The following B4GALNT3 variants were observed in gnomAD, a reference collection of about 807,000 sequenced individuals.
The protein encoded by B4GALNT3 is beta-1,4-N-acetylgalactosaminyltransferase 3.
In B4GALNT3, 86 loss-of-function variants were observed where a neutral mutation model predicts 120.2. The ratio of observed to expected loss-of-function variants is 0.72; its 90% confidence interval spans 0.60 to 0.86. The LOEUF (loss-of-function observed/expected upper bound fraction) is 0.86. Ranked by LOEUF, B4GALNT3 falls within the 40% of genes least tolerant of loss-of-function variation. The pLI is 0.00. For missense variants in B4GALNT3, 1,167 were observed against 1,298.9 expected, an observed-to-expected ratio of 0.90 and a Z score of 1.56; for synonymous variants, 518 against 510.4, an observed-to-expected ratio of 1.01 and a Z score of -0.20.
At chr12:467,571 A>G (rs550859842) in intron 1 of B4GALNT3, among the ~76,000 whole-genome samples, 75 of 152,288 alleles carry the variant, frequency 4.9e-4, no homozygotes, top group African/African-American at 1.7e-3. Context: ...AAATAAATAA[A>G]CAAAATAAAA....
intron 1 of B4GALNT3, among the ~76,000 whole-genome samples, chr12:462,185 G>A (rs2120400233): frequency 1.3e-5 from 2 of 152,236 alleles, no homozygotes; most frequent in East Asian, 3.9e-4. Context: ...AAATGGATGA[G>A]CTCCTTTGGA....
chr12:531,511 A>G (rs932973642), intron 1 of B4GALNT3, among the ~76,000 whole-genome samples: 42 of 152,000 alleles, frequency 2.8e-4, no homozygotes, highest in African/African-American at 9.7e-4. Flanking sequence ...TTAACCAACT[A>G]TGGTGGCATG....
chr12:474,269 C>A (rs1208803553), intron 1 of B4GALNT3, among the ~76,000 whole-genome samples: 1 of 152,160 alleles, frequency 6.6e-6, no homozygotes, highest in Non-Finnish European at 1.5e-5. Context: ...CATCACAAAC[C>A]CAGATCCCAA....
intron 1 of B4GALNT3, among the ~76,000 whole-genome samples, chr12:521,211 T>C (rs1049224320): frequency 6.6e-6 from 1 of 152,170 alleles, no homozygotes; most frequent in Non-Finnish European, 1.5e-5. Flanking sequence ...AGGACTCTCG[T>C]CATCACCCTC....
At chr12:536,792 A>T (rs1306742831) in intron 3 of B4GALNT3, among the ~76,000 whole-genome samples, 1 of 152,210 alleles carries the variant, frequency 6.6e-6, no homozygotes, top group Non-Finnish European at 1.5e-5. Context: ...GACCCTGTGG[A>T]ATAGTATCAT....
In B4GALNT3 at chr12:525,112, T is replaced by G. The variant is rs533865055; in HGVS notation, c.170-10054T>G. ...TTTATTTATTTATTTATTTATTTATTTATTTATTGTTGTTGAGACGGAGTC... is the reference window on the plus strand; with the variant it reads ...TTTATTTATTTATTTATTTATTTATGTATTTATTGTTGTTGAGACGGAGTC... On this transcript the variant is annotated intron_variant, in intron 1 of 19. Transcript: ENST00000266383. 3.3e-5 allele frequency among the ~76,000 whole-genome samples: 5 copies of G among 152,030 alleles called. No homozygotes were observed. The East Asian group carries it at 9.6e-4, about 29-fold the overall frequency.
chr12:525,067 C>G (rs1946747640), intron 1 of B4GALNT3, among the ~76,000 whole-genome samples: 1 of 148,694 alleles, frequency 6.7e-6, no homozygotes, highest in Admixed American at 6.7e-5. Context: ...CAAGTCTAGC[C>G]TCTTCATAAA....
chr12:514,615 T>G (rs1468050274), intron 1 of B4GALNT3, among the ~76,000 whole-genome samples: 1 of 152,192 alleles, frequency 6.6e-6, no homozygotes, highest in East Asian at 1.9e-4. Flanking sequence ...GGAGAAGAGA[T>G]GCTTTTTTTT....
intron 18 of B4GALNT3, 97 bp from the exon 19 acceptor site, chr12:559,198 C>T: frequency 3.3e-6 from 5 of 1,522,404 alleles, no homozygotes; most frequent in Non-Finnish European, 4.5e-6. Context: ...CAGCCTCTGA[C>T]TTTCAGAAGA....
rs1443728440 is a variant in B4GALNT3 at position 511,880 on chromosome 12, A to C, written c.170-23286A>C. Among the ~76,000 whole-genome samples, 3 of 18,370 alleles carry C rather than the reference A, an allele frequency of 1.6e-4. 1 individual carries two copies. The Admixed American group carries it at 2.3e-3, about 14-fold the overall frequency. 12.1% of individuals were successfully genotyped at this position (18,370 alleles called of 152,430 possible). A position where few individuals can be genotyped will look rare whatever the true frequency, so the allele number is the denominator to read the frequency against. ...CACCTTCTTCCACCTTCCACCTTCC[A>C]CCTTCTTCCACCTTCCACCTTCCGC... On this transcript the variant is annotated intron_variant, in intron 1 of 19. Coordinates refer to ENST00000266383, the MANE Select transcript of B4GALNT3 (RefSeq NM_173593.4).
chr12:553,290 G>T lies in B4GALNT3; in HGVS notation c.1367G>T (p.Arg456Ile). Reference protein sequence around the residue: ...NNQNARMLEGRQTPASTLEQD... With the variant: ...NNQNARMLEGIQTPASTLEQD... ...CAGAATGCCAGGATGCTTGAGGGAAGACAGACACCTGCCTCCACCCTGGAG... is the reference window on the plus strand; with the variant it reads ...CAGAATGCCAGGATGCTTGAGGGAATACAGACACCTGCCTCCACCCTGGAG... The change falls in exon 14 of 20, where the codon AGA becomes ATA. Residue 456 changes from arginine to isoleucine, a missense_variant. Physicochemically the swap from Arg to Ile is moderately conservative, Grantham distance 97. Around this residue, in one of 3 missense-constraint regions of B4GALNT3, gnomAD observed 983 missense variants for 1,102.5 expected, o/e 0.89. Coordinates refer to ENST00000266383, the MANE Select transcript of B4GALNT3 (RefSeq NM_173593.4). 3.1e-6 allele frequency: 5 copies of T among 1,613,580 alleles called. No individual in the cohort carries two copies. Among genetic ancestry groups the T allele is most frequent in the East Asian group, 2.2e-5 (1 of 44,880 alleles).
At position 510,734 on chromosome 12, in the gene B4GALNT3, C is replaced by T. The variant is rs532094993; in HGVS notation, c.170-24432C>T. ...CACAATTAAACAGGGAGTGGAGATG[C>T]TTTGGGAAGTAGGGAGAAGGGAGAG... On this transcript the variant is annotated intron_variant, in intron 1 of 19. Transcript: ENST00000266383. Among the ~76,000 whole-genome samples the T allele has an allele frequency of 2.6e-4, 39 of 152,096 alleles. No homozygotes were observed. In the South Asian group the frequency reaches 3.3e-3, roughly 13 times the overall value.
At position 553,596 on chromosome 12, in the gene B4GALNT3, A is replaced by G. The variant is rs201931277; in HGVS notation, c.1673A>G (p.Lys558Arg). 69 of 1,613,992 alleles carry G rather than the reference A, an allele frequency of 4.3e-5. No homozygotes were observed. The highest frequency in any genetic ancestry group is 5.5e-5 in the Non-Finnish European group (65 of 1,179,908). Residue 558 changes from lysine (K) to arginine (R), a missense_variant, in exon 14 of 20, where the codon AAG becomes AGG. Physicochemically the swap from Lys to Arg is conservative, Grantham distance 26. Transcript: ENST00000266383. Reference protein sequence around the residue: ...RPRPAGDSPRKTQWLNQVESY... With the variant: ...RPRPAGDSPRRTQWLNQVESY... The stretch of plus-strand genomic sequence containing the variant: ...AGGCCCGCTGGTGACAGCCCCAGGA[A>G]GACTCAGTGGCTGAACCAGGTGGAG...
intron 1 of B4GALNT3, among the ~76,000 whole-genome samples, chr12:494,339 G>T (rs1037917858): frequency 6.6e-6 from 1 of 150,454 alleles, no homozygotes; most frequent in African/African-American, 2.4e-5. Flanking sequence ...CTCATTGTCC[G>T]TTCTTAAATG....
rs149737676 is a variant in B4GALNT3 at position 556,584 on chromosome 12, C to T, written c.2098C>T (p.Arg700Cys). The change falls in exon 15 of 20, where the codon CGT (arginine) becomes TGT (cysteine). Residue 700 changes from arginine (R) to cysteine (C), a missense_variant. Transcript: ENST00000266383. The part of the protein sequence containing the change: ...QLQRIVNVEK[R>C]QDQLRGGRYL... Reference sequence around the variant, plus strand: ...ACAGCGCATTGTGAACGTGGAAAAGCGTCAGGACCAGCTACGTGGGGGTCG... The same window carrying T: ...ACAGCGCATTGTGAACGTGGAAAAGTGTCAGGACCAGCTACGTGGGGGTCG... 48 of 1,613,976 alleles carry T rather than the reference C, an allele frequency of 3.0e-5. No homozygotes were observed. The highest frequency in any genetic ancestry group is 2.0e-4 in the Admixed American group (12 of 60,026).
At chr12:476,332 G>A (rs565296283) in intron 1 of B4GALNT3, among the ~76,000 whole-genome samples, 6 of 152,232 alleles carry the variant, frequency 3.9e-5, no homozygotes, top group Non-Finnish European at 5.9e-5. Context: ...ATCTGTAATC[G>A]CAGTGCTTTT....
intron 14 of B4GALNT3, chr12:555,447 T>C (rs1435543491): frequency 4.5e-6 from 2 of 448,160 alleles, no homozygotes; most frequent in Non-Finnish European, 9.0e-6. Context: ...CTGAGTAATA[T>C]TCTATTGTGT....
At chr12:514,839 G>A (rs1056960587) in intron 1 of B4GALNT3, among the ~76,000 whole-genome samples, 1 of 151,964 alleles carries the variant, frequency 6.6e-6, no homozygotes, top group Non-Finnish European at 1.5e-5. Flanking sequence ...GACCAGCCTG[G>A]CCAACATGGT....
intron 1 of B4GALNT3, among the ~76,000 whole-genome samples, chr12:480,882 G>A (rs1356819198): frequency 1.3e-5 from 2 of 152,206 alleles, no homozygotes; most frequent in Non-Finnish European, 2.9e-5. Context: ...CTTTGTCACA[G>A]CCTCCTCCTC....
Sources: gnomAD v4.1 joint callset for allele counts (sites outside exome capture counted in the v4.1 genomes callset) on GRCh38, gnomAD v4.1.1 for gene constraint, gnomAD v4.1.1 regional missense constraint, MANE v1.5 for transcripts, NCBI Gene and HGNC (gene_info 2026-07-23, HGNC 2026-07-21) for gene names.